NBAS: variants seen among roughly 807,000 people sequenced by gnomAD.
The protein encoded by NBAS is NAG/BC035112 fusion.
In NBAS, 219 loss-of-function variants were observed where a neutral mutation model predicts 302.5. The ratio of observed to expected loss-of-function variants is 0.72; its 90% CI spans 0.65 to 0.81. The LOEUF (loss-of-function observed/expected upper bound fraction) is 0.81. NBAS is among the 30% of genes least tolerant of loss of function. The pLI, the probability that NBAS is intolerant of heterozygous loss-of-function variation, is 0.00. For synonymous variants in NBAS, 1,118 were observed against 1,021.6 expected, an observed-to-expected ratio of 1.09 and a Z score of -1.80; for missense variants, 2,932 against 2,841.6, an observed-to-expected ratio of 1.03 and a Z score of -0.72.
the NBAS span, among the ~76,000 whole-genome samples, chr2:14,817,923 G>A: frequency 3.3e-5 from 5 of 152,142 alleles, no homozygotes; most frequent in African/African-American, 1.2e-4. Flanking sequence ...TTCCTCACTA[G>A]TAGGATTAAT....
At chr2:15,089,735 G>A in the NBAS span, among the ~76,000 whole-genome samples, 2 of 144,330 alleles carry the variant, frequency 1.4e-5, no homozygotes, top group Non-Finnish European at 3.0e-5. Context: ...TGACAATTGG[G>A]TCAGGACTTT....
At chr2:15,179,821 G>A (rs2125119131) in intron 50 of NBAS, 1 of 152,324 alleles carries the variant, frequency 6.6e-6, no homozygotes, top group East Asian at 1.9e-4. Context: ...TGAACCTGTG[G>A]TCACAGAGCA....
At chr2:14,958,323 C>T in the NBAS span, among the ~76,000 whole-genome samples, 4 of 152,170 alleles carry the variant, frequency 2.6e-5, no homozygotes, top group Non-Finnish European at 4.4e-5. Context: ...TCTTTGTTTT[C>T]TCATCTGGGC....
chr2:15,280,570 A>T (rs899932429), intron 42 of NBAS, among the ~76,000 whole-genome samples: 2 of 152,192 alleles, frequency 1.3e-5, no homozygotes, highest in Non-Finnish European at 2.9e-5. Flanking sequence ...AAAATCACAC[A>T]ACTAGTAAGA....
chr2:14,996,707 C>A, the NBAS span, among the ~76,000 whole-genome samples: 231 of 152,262 alleles, frequency 1.5e-3, 1 homozygote, highest in African/African-American at 5.4e-3. Context: ...GATCCCAGAG[C>A]TCTTTCTGCC....
intron 12 of NBAS, among the ~76,000 whole-genome samples, chr2:15,478,797 T>G (rs1460446277): frequency 2.6e-5 from 4 of 152,170 alleles, no homozygotes; most frequent in South Asian, 2.1e-4. Context: ...TAAAAATGAA[T>G]CCATTCATAC....
At position 15,485,594 on chromosome 2, in the gene NBAS, AT is replaced by A. The variant is rs201275557; in HGVS notation, c.1083+3299del. Among the ~76,000 whole-genome samples, 228 of 152,374 alleles carry A rather than the reference AT, an allele frequency of 1.5e-3. 3 individuals carry two copies. The East Asian group carries it at 0.042, about 28-fold the overall frequency. On this transcript the variant is annotated intron_variant, in intron 12 of 51. Coordinates refer to ENST00000281513, the MANE Select transcript of NBAS (RefSeq NM_015909.4). ...AACCATAGGACAAAGTGCTCAATAA[AT>A]AATAAATGTAGTTAGGGTAAATTTT...
chr2:15,308,206 GAAGACTCACCCTGTA>G lies in NBAS; in HGVS notation c.4792_4797+9del. 1 of 1,614,158 alleles carries G rather than the reference GAAGACTCACCCTGTA, an allele frequency of 6.2e-7. No individual in the cohort carries two copies. Among genetic ancestry groups the G allele is most frequent in the African/African-American group, 1.3e-5 (1 of 75,054 alleles). On this transcript the variant is annotated splice_donor_variant and splice_donor_5th_base_variant and coding_sequence_variant and intron_variant, in exon 40 of 52. Transcript: ENST00000281513. LOFTEE classifies it high-confidence loss of function. ...TGCTCAATAATAAGCTGGAAATCATGAAGACTCACCCTGTAAAGAGGATGGCACTTGTCCCTGAAA... is the reference window on the plus strand; with the variant it reads ...TGCTCAATAATAAGCTGGAAATCATGAAGAGGATGGCACTTGTCCCTGAAA...
chr2:14,929,286 C>T, the NBAS span, among the ~76,000 whole-genome samples: 1 of 152,192 alleles, frequency 6.6e-6, no homozygotes, highest in East Asian at 1.9e-4. Context: ...GTAAGAATCA[C>T]ACACTAAAGT....
chr2:15,147,587 C>T, the NBAS span, among the ~76,000 whole-genome samples: 20 of 151,690 alleles, frequency 1.3e-4, no homozygotes, highest in East Asian at 7.7e-4. Context: ...AGCGAAACTC[C>T]GTCTCAAAAA....
the NBAS span, among the ~76,000 whole-genome samples, chr2:14,866,675 A>G: frequency 1.3e-5 from 2 of 152,192 alleles, no homozygotes; most frequent in Non-Finnish European, 2.9e-5. Context: ...TGATTAAAAC[A>G]TAATGGTCAA....
chr2:14,843,914 G>A, the NBAS span, among the ~76,000 whole-genome samples: 13 of 152,012 alleles, frequency 8.6e-5, no homozygotes, highest in African/African-American at 2.9e-4. Context: ...CTCAGCGGTC[G>A]GAACTTCAGT....
the NBAS span, among the ~76,000 whole-genome samples, chr2:14,911,856 G>A: frequency 2.6e-5 from 4 of 152,178 alleles, no homozygotes; most frequent in African/African-American, 9.7e-5. Flanking sequence ...TAGGGACAGT[G>A]ACACTACCTA....
chr2:15,263,018 C>T (rs986751899), intron 44 of NBAS, among the ~76,000 whole-genome samples: 12 of 152,198 alleles, frequency 7.9e-5, no homozygotes, highest in Non-Finnish European at 1.5e-4. Context: ...CAGGTGTTTG[C>T]TGCTCATGCC....
intron 47 of NBAS, among the ~76,000 whole-genome samples, chr2:15,231,956 A>C (rs892968098): frequency 1.3e-5 from 2 of 152,306 alleles, no homozygotes; most frequent in South Asian, 4.1e-4. Flanking sequence ...ATAGCATCGG[A>C]GATACACATC....
At chr2:15,288,116 A>C (rs1486850730) in intron 41 of NBAS, among the ~76,000 whole-genome samples, 1 of 152,248 alleles carries the variant, frequency 6.6e-6, no homozygotes, top group Non-Finnish European at 1.5e-5. Flanking sequence ...CAGAGCCTAC[A>C]ATCAAAAGAT....
At chr2:15,555,392 A>G (rs1428952386) in intron 3 of NBAS, among the ~76,000 whole-genome samples, 1 of 152,188 alleles carries the variant, frequency 6.6e-6, no homozygotes, top group Non-Finnish European at 1.5e-5. Flanking sequence ...TACTACCTAT[A>G]TGAGGATGAT....
intron 50 of NBAS, among the ~76,000 whole-genome samples, chr2:15,182,052 C>A (rs919247103): frequency 2.0e-5 from 3 of 152,208 alleles, no homozygotes; most frequent in Non-Finnish European, 4.4e-5. Flanking sequence ...GTTCTGCAGC[C>A]CCAGGTTGAT....
chr2:15,021,380 A>G, the NBAS span, among the ~76,000 whole-genome samples: 1 of 152,318 alleles, frequency 6.6e-6, no homozygotes, highest in South Asian at 2.1e-4. Context: ...GGGGGAATGA[A>G]CACGGAGGAG....
Sources: allele counts gnomAD v4.1 joint callset (sites outside exome capture counted in the v4.1 genomes callset), GRCh38; gene constraint gnomAD v4.1.1; transcripts MANE v1.5; gene names NCBI Gene and HGNC (gene_info 2026-07-23, HGNC 2026-07-21).